Variants in EIF4E observed in about 807,000 individuals in gnomAD.
The protein encoded by EIF4E is eIF-4F 25 kDa subunit.
For synonymous variants in EIF4E, 71 were observed against 88.5 expected (o/e 0.80, Z 1.11); for missense variants, 113 against 265.6 (o/e 0.43, Z 3.99).
At chr4:98,892,028 G>A (rs1273841143) in intron 2 of EIF4E, among the ~76,000 whole-genome samples, 3 of 152,190 alleles carry the variant, frequency 2.0e-5, no homozygotes, top group Non-Finnish European at 4.4e-5. Context: ...CTCTGACAGA[G>A]ATAAGCAAGC....
At chr4:98,884,871 G>C in intron 6 of EIF4E, 51 bp downstream of exon 6, 2 of 1,603,748 alleles carry the variant, frequency 1.2e-6, no homozygotes, top group Non-Finnish European at 1.7e-6. Flanking sequence ...ATAACTTCTG[G>C]TTTTACTCAT....
chr4:98,907,657 C>A (rs560371282), intron 1 of EIF4E, among the ~76,000 whole-genome samples: 16 of 152,304 alleles, frequency 1.1e-4, no homozygotes, highest in South Asian at 6.2e-4. Flanking sequence ...GGTAGCTCAA[C>A]AAGACAGCCT....
Position 98,915,072 on chromosome 4 carries a change from T to C in EIF4E, c.19-13090A>G, listed in dbSNP as rs569494807. ...AATCCTCCCGCCTCAGCCTTCTGAG[T>C]AGCTGGGACTACAGGCACATGCCAC... is the stretch of plus-strand genomic sequence containing the variant. On this transcript the variant is annotated intron_variant, in intron 1 of 6. Transcript: ENST00000450253. Among the ~76,000 whole-genome samples the C allele has an allele frequency of 2.6e-5, 4 of 152,258 alleles. No homozygotes were observed. The South Asian group carries it at 8.3e-4, about 32-fold the overall frequency.
chr4:98,917,753 G>C (rs1192277173), intron 1 of EIF4E, among the ~76,000 whole-genome samples: 1 of 152,146 alleles, frequency 6.6e-6, no homozygotes, highest in African/African-American at 2.4e-5. Context: ...TGGTGTCCTA[G>C]GTCATGGTAC....
intron 1 of EIF4E, among the ~76,000 whole-genome samples, chr4:98,911,427 A>G (rs1215072302): frequency 6.7e-6 from 1 of 149,120 alleles, no homozygotes; most frequent in Non-Finnish European, 1.5e-5. Flanking sequence ...TGGGAGGCCG[A>G]GGCGGGTGGA....
At chr4:98,899,337 C>T (rs1724552393) in intron 2 of EIF4E, among the ~76,000 whole-genome samples, 1 of 152,140 alleles carries the variant, frequency 6.6e-6, no homozygotes, top group Admixed American at 6.5e-5. Flanking sequence ...TTTGAAACTT[C>T]AATTTTAAAA....
intron 5 of EIF4E, among the ~76,000 whole-genome samples, chr4:98,885,761 T>C (rs569190049): frequency 1.3e-5 from 2 of 152,314 alleles, no homozygotes; most frequent in Non-Finnish European, 2.9e-5. Context: ...ATTTCTTAAT[T>C]GTGGTAAAAT....
intron 3 of EIF4E, chr4:98,891,029 A>G: frequency 1.6e-6 from 1 of 614,542 alleles, no homozygotes; most frequent in Non-Finnish European, 2.9e-6. Context: ...GACAAGAAAC[A>G]ATAATTGGGG....
chr4:98,910,186 T>G (rs755478531), intron 1 of EIF4E, among the ~76,000 whole-genome samples: 34 of 152,184 alleles, frequency 2.2e-4, no homozygotes, highest in Non-Finnish European at 4.3e-4. Flanking sequence ...CAGTCTTCCT[T>G]ATCTGTAATA....
chr4:98,890,679 C>T (rs1166580012), intron 3 of EIF4E: 4 of 153,172 alleles, frequency 2.6e-5, no homozygotes, highest in East Asian at 1.9e-4. Context: ...CAATTCTTAA[C>T]TTTCTGCTAT....
intron 5 of EIF4E, 110 bp from the exon 6 acceptor site, chr4:98,885,171 G>C (rs1723861121): frequency 7.6e-7 from 1 of 1,320,290 alleles, no homozygotes; most frequent in Non-Finnish European, 1.0e-6. Context: ...TAAATCAAGA[G>C]TTAATTTTTT....
intron 1 of EIF4E, among the ~76,000 whole-genome samples, chr4:98,908,740 C>T (rs1724985337): frequency 6.6e-6 from 1 of 152,212 alleles, no homozygotes; most frequent in African/African-American, 2.4e-5. Context: ...ATTATCTCAA[C>T]ATACTATAAA....
intron 1 of EIF4E, among the ~76,000 whole-genome samples, chr4:98,928,726 C>T (rs1181513919): frequency 1.3e-5 from 2 of 152,146 alleles, no homozygotes; most frequent in Non-Finnish European, 2.9e-5. Context: ...CCTGCGGATC[C>T]CAGTACTCGC....
rs371381004 is a variant in EIF4E at position 98,887,365 on chromosome 4, T to C, written c.286-173A>G. ...AAGACTTAAAGCCAGAGGCATGACA[T>C]TGCAGAATTAGAGTCCTGGCTTTGT... On this transcript the variant is annotated intron_variant, in intron 4 of 6. Transcript: ENST00000450253. This position sits in a 1 kb window ranked among gnomAD's most constrained non-coding sequence, Gnocchi z 4.0. Among the ~76,000 whole-genome samples, 3 of 152,332 alleles carry C rather than the reference T, an allele frequency of 2.0e-5. No homozygotes were observed. Among genetic ancestry groups the C allele is most frequent in the Non-Finnish European group, 2.9e-5 (2 of 68,038 alleles).
intron 2 of EIF4E, chr4:98,895,104 T>C (rs1215413278): frequency 6.6e-6 from 1 of 152,202 alleles, no homozygotes; most frequent in Non-Finnish European, 1.5e-5. Flanking sequence ...CCCAAAACAA[T>C]TATAATAGCA....
chr4:98,917,413 T>C (rs1725435182), intron 1 of EIF4E, among the ~76,000 whole-genome samples: 2 of 152,130 alleles, frequency 1.3e-5, no homozygotes, highest in South Asian at 4.1e-4. Context: ...GACATGTCCA[T>C]GATCATGCCC....
chr4:98,904,263 C>T (rs1724769013), intron 1 of EIF4E, among the ~76,000 whole-genome samples: 1 of 152,080 alleles, frequency 6.6e-6, no homozygotes, highest in Admixed American at 6.6e-5. Flanking sequence ...AGTTCGAAAA[C>T]AGCCTCAGCA....
At chr4:98,927,482 C>A (rs1169360853) in intron 1 of EIF4E, among the ~76,000 whole-genome samples, 1 of 151,450 alleles carries the variant, frequency 6.6e-6, no homozygotes, top group Non-Finnish European at 1.5e-5. Flanking sequence ...ATGGTGGAAC[C>A]CCGTCTCTAC....
chr4:98,910,312 A>G (rs1428269585), intron 1 of EIF4E, among the ~76,000 whole-genome samples: 2 of 152,204 alleles, frequency 1.3e-5, no homozygotes, highest in East Asian at 1.9e-4. Context: ...GCTCACATGG[A>G]AAAAATTTTT....
Sources: gnomAD v4.1 joint callset for allele counts (sites outside exome capture counted in the v4.1 genomes callset) on GRCh38, gnomAD v4.1.1 for gene constraint, Gnocchi (gnomAD v3.1) non-coding constraint, MANE v1.5 for transcripts, NCBI Gene and HGNC (gene_info 2026-07-23, HGNC 2026-07-21) for gene names.